The following PTPRB variants were observed in gnomAD, a reference collection of about 807,000 sequenced individuals.
PTPRB encodes the protein receptor-type tyrosine-protein phosphatase beta.
In PTPRB, 97 loss-of-function variants were observed where a neutral mutation model predicts 238.1. That is an observed-to-expected ratio of 0.41 (90% CI 0.35 to 0.48). The LOEUF is 0.48. Among genes scored for constraint, PTPRB ranks in the 20% least tolerant of loss-of-function variants. The pLI, the probability that PTPRB is intolerant of heterozygous loss-of-function variation, is 0.30. For synonymous variants in PTPRB, 970 were observed against 995.4 expected (o/e 0.97, Z 0.48); for missense variants, 2,292 against 2,681.9 (o/e 0.85, Z 3.21).
rs762491075 is a variant in PTPRB at position 70,571,851 on chromosome 12, C to A, written c.3079G>T (p.Ala1027Ser). Residue 1027 changes from alanine to serine, a missense_variant, in exon 12 of 34, where the codon GCC becomes TCC. Physicochemically the swap from Ala to Ser is moderately conservative, Grantham distance 99 (BLOSUM62 1). Transcript: ENST00000334414. ...GTTCTCCCATTCCCTTGTTCATTGG[C>A]TTCATATTGTCCACTTTTTGTAGTA... ...TVTTKSGQYE[A>S]NEQGNGRTIP... 1.4e-4 allele frequency: 219 copies of A among 1,613,856 alleles called. No homozygotes were observed. Among genetic ancestry groups the A allele is most frequent in the Non-Finnish European group, 1.7e-4 (206 of 1,179,806 alleles).
In PTPRB at chr12:70,557,200, G is replaced by T. The variant is rs191817313; in HGVS notation, c.4715-1052C>A. 2.0e-5 allele frequency among the ~76,000 whole-genome samples: 3 copies of T among 152,258 alleles called. No individual in the cohort carries two copies. The East Asian group carries it at 5.8e-4, about 29-fold the overall frequency. On this transcript the variant is annotated intron_variant, in intron 18 of 33. Transcript: ENST00000334414. ...CCCAGGTACCAAAGGAGGAGGTGCC[G>T]GAGTGGGATGGTAGAAAATTGAGAA...
At chr12:70,627,120 C>T (rs1885240634) in intron 2 of PTPRB, among the ~76,000 whole-genome samples, 1 of 152,112 alleles carries the variant, frequency 6.6e-6, no homozygotes, top group South Asian at 2.1e-4. Flanking sequence ...TTCTACTATG[C>T]ATGGCATTAT....
chr12:70,543,624 T>A (rs868066006), intron 22 of PTPRB, among the ~76,000 whole-genome samples: 1 of 152,112 alleles, frequency 6.6e-6, no homozygotes. Flanking sequence ...GAGAGACAGT[T>A]TTAGCTGTAA....
chr12:70,539,269 T>C (rs2136248543), intron 26 of PTPRB: 1 of 555,086 alleles, frequency 1.8e-6, no homozygotes, highest in East Asian at 2.9e-5. Context: ...AACCTGAGAA[T>C]CAGTTCCAAA....
At chr12:70,581,549 C>A (rs11178308) in intron 9 of PTPRB, among the ~76,000 whole-genome samples, 4,912 of 152,076 alleles carry the variant, frequency 0.032, 117 homozygotes, top group East Asian at 0.071. Context: ...TGAGATGATG[C>A]ATGCTTATTA....
At position 70,576,660 on chromosome 12, in the gene PTPRB, G is replaced by A; in HGVS notation, c.2579-15C>T. The A allele has an allele frequency of 2.5e-6, 1 of 397,538 alleles. No individual in the cohort carries two copies. The highest frequency in any genetic ancestry group is 3.8e-6 in the Non-Finnish European group (1 of 265,142). The allele number at this position is 397,538 out of a possible 1,614,324, so 24.6% of individuals were successfully genotyped here. A position where few individuals can be genotyped will look rare whatever the true frequency, so the allele number is the denominator to read the frequency against. On this transcript the variant is annotated splice_polypyrimidine_tract_variant and intron_variant, in intron 10 of 33. Transcript: ENST00000334414. The stretch of plus-strand genomic sequence containing the variant: ...ACTGGAAGGGACTGTGATTTTGAAA[G>A]GTGGGGGGCGGGGGGGGGGGGGAAG...
intron 26 of PTPRB, 96 bp from the exon 27 acceptor site, chr12:70,539,110 T>C (rs1488509998): frequency 1.1e-6 from 1 of 951,318 alleles, no homozygotes; most frequent in African/African-American, 1.6e-5. Flanking sequence ...TGAAAATATA[T>C]ACACTAGCTA....
intron 32 of PTPRB, among the ~76,000 whole-genome samples, chr12:70,530,534 G>A (rs1453895324): frequency 2.0e-5 from 3 of 151,932 alleles, no homozygotes; most frequent in Non-Finnish European, 4.4e-5. Flanking sequence ...ATACATATGT[G>A]TATATAAGTA....
Position 70,596,147 on chromosome 12 carries a change from G to C in PTPRB, c.1160C>G (p.Thr387Ser), listed in dbSNP as rs750202137. ...ACTACCAGCAGTGAGATTGAAAAAA[G>C]TGTATTCATTCCATGAAGTACTTTC... ...IQESTSWNEY[T>S]FFNLTAGSKY... The change falls in exon 5 of 34, where the codon ACT becomes AGT. Residue 387 changes from threonine (T) to serine (S), a missense_variant. Physicochemically the swap from Thr to Ser is moderately conservative, Grantham distance 58. Transcript: ENST00000334414. The C allele has an allele frequency of 1.2e-6, 2 of 1,613,580 alleles. No individual in the cohort carries two copies. Among genetic ancestry groups the C allele is most frequent in the Non-Finnish European group, 1.7e-6 (2 of 1,179,634 alleles).
At chr12:70,622,780 G>C (rs554853272) in intron 2 of PTPRB, 134 bp from the exon 3 acceptor site, 1 of 1,056,514 alleles carries the variant, frequency 9.5e-7, no homozygotes, top group Admixed American at 2.9e-5. Context: ...ATATGAAAAA[G>C]CAAATATACT....
chr12:70,515,963 G>T lies in PTPRB; in HGVS notation c.*5526C>A, dbSNP rs898182763. On this transcript the variant is annotated 3_prime_UTR_variant, in exon 34 of 34. Coordinates refer to ENST00000334414, the MANE Select transcript of PTPRB (RefSeq NM_001109754.4). ...TTACCACAGTTACAAATATAAAAATGTATTAAGCAAATACATAATTTAAAT... is the reference window on the plus strand; with the variant it reads ...TTACCACAGTTACAAATATAAAAATTTATTAAGCAAATACATAATTTAAAT... The T allele has an allele frequency of 1.3e-5, 2 of 151,776 alleles. No homozygotes were observed. The highest frequency in any genetic ancestry group is 4.8e-5 in the African/African-American group (2 of 41,304). The allele number at this position is 151,776 out of a possible 1,614,324, so 9.4% of individuals were successfully genotyped here.
intron 16 of PTPRB, among the ~76,000 whole-genome samples, chr12:70,561,447 T>C (rs1878472572): frequency 6.6e-6 from 1 of 152,178 alleles, no homozygotes; most frequent in Non-Finnish European, 1.5e-5. Context: ...ACTGTATAGA[T>C]TAGTCATGCT....
At chr12:70,580,400 GTTTGT>G (rs1290942809) in intron 10 of PTPRB, among the ~76,000 whole-genome samples, 1 of 152,172 alleles carries the variant, frequency 6.6e-6, no homozygotes, top group Admixed American at 6.5e-5. Context: ...TCTTTGGGAG[GTTTGT>G]TTTGTTTTTT....
At chr12:70,615,966 AT>A (rs2136563129) in intron 3 of PTPRB, among the ~76,000 whole-genome samples, 1 of 152,300 alleles carries the variant, frequency 6.6e-6, no homozygotes, top group Admixed American at 6.5e-5. Flanking sequence ...CAAAATGGAT[AT>A]ACTTAAATCC....
At chr12:70,623,443 A>C (rs1360464504) in intron 2 of PTPRB, among the ~76,000 whole-genome samples, 1 of 152,202 alleles carries the variant, frequency 6.6e-6, no homozygotes, top group African/African-American at 2.4e-5. Context: ...GCAAATTCTG[A>C]CGCACTAGAG....
chr12:70,545,615 G>A (rs1053316866), intron 21 of PTPRB, among the ~76,000 whole-genome samples: 3 of 152,200 alleles, frequency 2.0e-5, no homozygotes, highest in African/African-American at 4.8e-5. Context: ...GGCATAGGAG[G>A]TGAGGTGGCT....
In PTPRB at chr12:70,615,268, C is replaced by T. The variant is rs572846844; in HGVS notation, c.709-5929G>A. On this transcript the variant is annotated intron_variant, in intron 3 of 33. Transcript: ENST00000334414. ...AATTATCATTGCTTCCAATCTCGTACCTAAAATCATACCCAAGAAACTCTT... is the reference window on the plus strand; with the variant it reads ...AATTATCATTGCTTCCAATCTCGTATCTAAAATCATACCCAAGAAACTCTT... Among the ~76,000 whole-genome samples the T allele has an allele frequency of 3.3e-5, 5 of 152,220 alleles. No homozygotes were observed. In the East Asian group the frequency reaches 5.8e-4, roughly 18 times the overall value.
Position 70,521,578 on chromosome 12 carries a change from G to C in PTPRB, c.6626-67C>G, listed in dbSNP as rs1871663999. The C allele has an allele frequency of 2.9e-6, 4 of 1,358,526 alleles. No homozygotes were observed. The South Asian group carries it at 4.9e-5, about 17-fold the overall frequency. 84.2% of individuals were successfully genotyped at this position (1,358,526 alleles called of 1,614,324 possible). A position where few individuals can be genotyped will look rare whatever the true frequency, so the allele number is the denominator to read the frequency against. On this transcript the variant is annotated intron_variant, in intron 33 of 33. Coordinates refer to ENST00000334414, the MANE Select transcript of PTPRB (RefSeq NM_001109754.4). ...TGTCATAATTGTTTACGCTGTTTAT[G>C]AAAATTACCAATGTGAAAGACCAGC...
intron 4 of PTPRB, among the ~76,000 whole-genome samples, chr12:70,601,802 T>C (rs1003503639): frequency 6.8e-6 from 1 of 146,488 alleles, no homozygotes; most frequent in Non-Finnish European, 1.5e-5. Flanking sequence ...TTTTTTTTTT[T>C]TTTTTTTGAG....
Sources: gnomAD v4.1 joint callset for allele counts (sites outside exome capture counted in the v4.1 genomes callset) on GRCh38, gnomAD v4.1.1 for gene constraint, MANE v1.5 for transcripts, NCBI Gene and HGNC (gene_info 2026-07-23, HGNC 2026-07-21) for gene names.